The following SENP7 variants were observed in gnomAD, a reference collection of about 807,000 sequenced individuals.
SENP7 encodes the protein sentrin-specific protease 7.
Under a neutral mutation model 141.2 loss-of-function variants are expected in SENP7, and 64 were observed. The ratio of observed to expected loss-of-function variants is 0.45; its 90% CI spans 0.37 to 0.56. SENP7 has a LOEUF of 0.56. Ranked by LOEUF, SENP7 falls within the 20% of genes least tolerant of loss-of-function variation. The pLI, the probability that SENP7 is intolerant of heterozygous loss-of-function variation, is 0.00. For missense variants in SENP7, 1,025 were observed against 1,212.2 expected (o/e 0.85, Z 2.29); for synonymous variants, 382 against 426.4 (o/e 0.90, Z 1.28).
intron 4 of SENP7, among the ~76,000 whole-genome samples, chr3:101,425,878 A>G (rs1168002752): frequency 6.6e-6 from 1 of 152,260 alleles, no homozygotes; most frequent in African/African-American, 2.4e-5. Context: ...AAGTATTAAT[A>G]GCAGAATAGA....
At chr3:101,472,748 T>C (rs1447495193) in intron 3 of SENP7, among the ~76,000 whole-genome samples, 1 of 152,162 alleles carries the variant, frequency 6.6e-6, no homozygotes, top group Non-Finnish European at 1.5e-5. Context: ...ATTAACAAAA[T>C]GAGTAAGTCC....
intron 16 of SENP7, among the ~76,000 whole-genome samples, chr3:101,338,340 T>C (rs1170422487): frequency 6.6e-6 from 1 of 152,036 alleles, no homozygotes; most frequent in Admixed American, 6.6e-5. Flanking sequence ...AAAGTGAAAT[T>C]GTGACACTGC....
intron 4 of SENP7, among the ~76,000 whole-genome samples, chr3:101,436,054 T>C (rs996666418): frequency 2.0e-5 from 3 of 152,050 alleles, no homozygotes; most frequent in Non-Finnish European, 2.9e-5. Flanking sequence ...CAAAACAGCA[T>C]GGAAATGGCA....
At chr3:101,469,430 C>G (rs918381852) in intron 3 of SENP7, among the ~76,000 whole-genome samples, 3 of 152,126 alleles carry the variant, frequency 2.0e-5, no homozygotes, top group Non-Finnish European at 4.4e-5. Flanking sequence ...AACTTTCCAC[C>G]CCAAATCAAC....
At chr3:101,381,819 T>C (rs1559746864) in intron 6 of SENP7, among the ~76,000 whole-genome samples, 2 of 152,180 alleles carry the variant, frequency 1.3e-5, no homozygotes, top group African/African-American at 4.8e-5. Context: ...ACATAAAACA[T>C]AGAAGAGAAA....
At position 101,513,102 on chromosome 3, in the gene SENP7, G is replaced by A; in HGVS notation, c.29C>T (p.Pro10Leu). 1 of 1,613,368 alleles carries A rather than the reference G, an allele frequency of 6.2e-7. No homozygotes were observed. Among genetic ancestry groups the A allele is most frequent in the African/African-American group, 1.3e-5 (1 of 74,822 alleles). MDKRKLGRR[P>L]SSSEIITEGK... ...TGACCCTTTCTCACCGGATGAAGAT[G>A]GCCGTCGCCCGAGCTTTCTCTTGTC... The change falls in exon 1 of 24, where the codon CCA (proline) becomes CTA (leucine). Residue 10 changes from proline (P) to leucine (L), a missense_variant. By Grantham distance (98) the Pro-to-Leu change is moderately conservative. Transcript: ENST00000394095.
chr3:101,452,796 T>C (rs1233565732), intron 4 of SENP7, among the ~76,000 whole-genome samples: 4 of 152,174 alleles, frequency 2.6e-5, no homozygotes, highest in Non-Finnish European at 5.9e-5. Flanking sequence ...ATTCAGGACA[T>C]AGGCATGGGC....
intron 6 of SENP7, among the ~76,000 whole-genome samples, chr3:101,378,915 G>GA (rs1327244937): frequency 6.6e-6 from 1 of 151,606 alleles, no homozygotes; most frequent in Non-Finnish European, 1.5e-5. Flanking sequence ...AGTGTTCAGA[G>GA]AAAAAAAACC....
intron 9 of SENP7, among the ~76,000 whole-genome samples, chr3:101,365,938 T>C (rs973371526): frequency 2.6e-5 from 4 of 152,188 alleles, no homozygotes; most frequent in Admixed American, 6.5e-5. Context: ...TAAGTCCTGT[T>C]ACATGAATTG....
chr3:101,425,830 T>C (rs897327084), intron 4 of SENP7, among the ~76,000 whole-genome samples: 4 of 152,112 alleles, frequency 2.6e-5, no homozygotes, highest in African/African-American at 4.8e-5. Flanking sequence ...TAACATGATA[T>C]AGCTGAAAAA....
At chr3:101,393,378 A>C (rs377652943) in intron 6 of SENP7, among the ~76,000 whole-genome samples, 6 of 152,342 alleles carry the variant, frequency 3.9e-5, no homozygotes, top group East Asian at 3.9e-4. Context: ...CAACCAATGA[A>C]ATCATTTTCA....
intron 9 of SENP7, 76 bp downstream of exon 9, chr3:101,366,354 T>G: frequency 8.8e-7 from 1 of 1,132,452 alleles, no homozygotes; most frequent in Non-Finnish European, 1.3e-6. Context: ...TTAGCCAAAT[T>G]TGTTCAAGAA....
At chr3:101,450,063 T>C (rs1301107211) in intron 4 of SENP7, among the ~76,000 whole-genome samples, 1 of 152,152 alleles carries the variant, frequency 6.6e-6, no homozygotes, top group Non-Finnish European at 1.5e-5. Flanking sequence ...GTTGCAATCC[T>C]AGTCTCGGAT....
At chr3:101,456,803 T>A (rs2107864691) in intron 4 of SENP7, among the ~76,000 whole-genome samples, 1 of 152,330 alleles carries the variant, frequency 6.6e-6, no homozygotes. Flanking sequence ...TTTTATTAGT[T>A]TTTTGTAGAG....
At chr3:101,425,039 C>T (rs2061914559) in intron 4 of SENP7, among the ~76,000 whole-genome samples, 1 of 152,196 alleles carries the variant, frequency 6.6e-6, no homozygotes, top group South Asian at 2.1e-4. Flanking sequence ...ATGTTCCTTT[C>T]ACCTTCTGCC....
At chr3:101,464,269 A>G (rs2063685953) in intron 3 of SENP7, among the ~76,000 whole-genome samples, 1 of 152,226 alleles carries the variant, frequency 6.6e-6, no homozygotes, top group East Asian at 1.9e-4. Context: ...TAACATGACC[A>G]AATTTTAAAA....
At chr3:101,504,296 C>CAA (rs11454023) in intron 1 of SENP7, among the ~76,000 whole-genome samples, 71 of 142,478 alleles carry the variant, frequency 5.0e-4, no homozygotes, top group South Asian at 1.6e-3. Context: ...ATTAAAAATA[C>CAA]AAAAAAAAAA....
chr3:101,439,049 G>A (rs1248688768), intron 4 of SENP7, among the ~76,000 whole-genome samples: 5 of 132,288 alleles, frequency 3.8e-5, no homozygotes, highest in African/African-American at 1.1e-4. Flanking sequence ...AAAGTGAGGA[G>A]CGTCTCCGCC....
intron 17 of SENP7, among the ~76,000 whole-genome samples, chr3:101,333,696 T>C (rs561937194): frequency 2.1e-4 from 32 of 152,330 alleles, no homozygotes; most frequent in African/African-American, 7.5e-4. Context: ...TCTTTCCTTT[T>C]ATTTCTTCAA....
Sources: gnomAD v4.1 joint callset for allele counts (sites outside exome capture counted in the v4.1 genomes callset) on GRCh38, gnomAD v4.1.1 for gene constraint, MANE v1.5 for transcripts, NCBI Gene and HGNC (gene_info 2026-07-23, HGNC 2026-07-21) for gene names.